Variants in DOCK4 observed in about 807,000 individuals in gnomAD.
The protein encoded by DOCK4 is dedicator of cytokinesis 4, also known as dedicator of cytokinesis protein 4.
Under a neutral mutation model 268.1 loss-of-function variants are expected in DOCK4, and 97 were observed. The ratio of observed to expected loss-of-function variants is 0.36; its 90% confidence interval spans 0.31 to 0.43. DOCK4 has a LOEUF of 0.43. Among genes scored for constraint, DOCK4 ranks in the 20% least tolerant of loss-of-function variants. The pLI, the probability that DOCK4 is intolerant of heterozygous loss-of-function variation, is 1.00. For synonymous variants in DOCK4, 954 were observed against 887.2 expected (o/e 1.08, Z -1.34); for missense variants, 2,145 against 2,455.7 (o/e 0.87, Z 2.67).
At chr7:111,816,005 C>T (rs926569970) in intron 27 of DOCK4, among the ~76,000 whole-genome samples, 2 of 152,078 alleles carry the variant, frequency 1.3e-5, no homozygotes, top group Non-Finnish European at 2.9e-5. Flanking sequence ...TCATAATCTA[C>T]AGGCACAGCA....
At chr7:112,052,829 T>G (rs1805481007) in intron 1 of DOCK4, among the ~76,000 whole-genome samples, 1 of 152,114 alleles carries the variant, frequency 6.6e-6, no homozygotes. Flanking sequence ...CTCTCAACAT[T>G]CTTATTTTAC....
chr7:111,918,868 A>C (rs1317830408), intron 12 of DOCK4, among the ~76,000 whole-genome samples: 5 of 152,222 alleles, frequency 3.3e-5, no homozygotes, highest in Non-Finnish European at 4.4e-5. Context: ...AAAATTCTTA[A>C]GATCCTGTAA....
chr7:111,911,758 G>C (rs1350077771), intron 13 of DOCK4, among the ~76,000 whole-genome samples: 2 of 151,944 alleles, frequency 1.3e-5, no homozygotes, highest in South Asian at 4.1e-4. Context: ...ACTGCCCAGA[G>C]ACCAAGCTGA....
intron 1 of DOCK4, among the ~76,000 whole-genome samples, chr7:112,066,676 CATATATACATATACATATATATATAT>C (rs1353893360): frequency 1.1e-3 from 55 of 52,092 alleles, no homozygotes; most frequent in Non-Finnish European, 1.5e-3. Context: ...TATACATATA[CATATATACATATACATATATATATAT>C]ATATATATAT....
chr7:111,829,765 C>A (rs543674319), intron 26 of DOCK4, among the ~76,000 whole-genome samples: 5 of 152,232 alleles, frequency 3.3e-5, no homozygotes, highest in African/African-American at 7.2e-5. Flanking sequence ...ATATAAAATG[C>A]TTGCTGTTTA....
intron 34 of DOCK4, among the ~76,000 whole-genome samples, chr7:111,783,386 T>C (rs1798922101): frequency 1.3e-5 from 2 of 151,648 alleles, no homozygotes; most frequent in Non-Finnish European, 2.9e-5. Flanking sequence ...TTAGATAATA[T>C]AAAAATAAAA....
rs139104985 is a variant in DOCK4 at position 112,163,532 on chromosome 7, G to C, written c.37+42570C>G. Among the ~76,000 whole-genome samples the C allele has an allele frequency of 7.4e-3, 1,122 of 152,164 alleles. 14 individuals are homozygous for C. Among genetic ancestry groups the C allele is most frequent in the African/African-American group, 0.025 (1,047 of 41,502 alleles). ...GTCAGCCAATGAATGGTTGTCTTTC[G>C]GTTGTGTGCACATTCCTGGCACAAG... is the stretch of plus-strand genomic sequence containing the variant. On this transcript the variant is annotated intron_variant, in intron 1 of 52. Transcript: ENST00000428084.
intron 37 of DOCK4, among the ~76,000 whole-genome samples, chr7:111,768,705 A>G (rs989136611): frequency 6.6e-6 from 1 of 152,220 alleles, no homozygotes; most frequent in Non-Finnish European, 1.5e-5. Flanking sequence ...GCATCTCTTA[A>G]GTATATGATG....
At chr7:112,091,931 T>A (rs1026925684) in intron 1 of DOCK4, among the ~76,000 whole-genome samples, 5 of 152,154 alleles carry the variant, frequency 3.3e-5, no homozygotes, top group African/African-American at 1.2e-4. Flanking sequence ...CTTCTCTTTA[T>A]CCCCATTTGA....
chr7:111,814,721 C>A (rs751091482), intron 27 of DOCK4, among the ~76,000 whole-genome samples: 1 of 152,088 alleles, frequency 6.6e-6, no homozygotes, highest in Non-Finnish European at 1.5e-5. Context: ...AATATTAGGA[C>A]GATTTGTATG....
intron 1 of DOCK4, among the ~76,000 whole-genome samples, chr7:112,049,607 TAAAAAAGCA>T (rs1805166619): frequency 6.6e-6 from 1 of 152,124 alleles, no homozygotes. Context: ...CATATTGGAT[TAAAAAAGCA>T]AGACTAAACT....
intron 29 of DOCK4, 133 bp from the exon 30 acceptor site, chr7:111,809,012 T>C (rs1362805249): frequency 3.1e-6 from 3 of 967,292 alleles, no homozygotes; most frequent in African/African-American, 1.6e-5. Context: ...TTAATATACA[T>C]GTCACGATGC....
chr7:112,024,692 C>T (rs1038523746), intron 1 of DOCK4, among the ~76,000 whole-genome samples: 1 of 152,204 alleles, frequency 6.6e-6, no homozygotes, highest in African/African-American at 2.4e-5. Context: ...TCAGTCAATT[C>T]TCCACTGACA....
intron 1 of DOCK4, among the ~76,000 whole-genome samples, chr7:112,204,315 AGAAAGCAACATCTGGGATC>A (rs1193026932): frequency 1.3e-5 from 2 of 152,192 alleles, no homozygotes; most frequent in Non-Finnish European, 1.5e-5. Flanking sequence ...AACACTTGGA[AGAAAGCAACATCTGGGATC>A]GACTCCAAGC....
At chr7:112,023,352 G>T in intron 1 of DOCK4, 1 of 217,894 alleles carries the variant, frequency 4.6e-6, no homozygotes, top group Non-Finnish European at 9.5e-6. Context: ...CTGAGTTAAT[G>T]CAGAGAGCTT....
intron 1 of DOCK4, among the ~76,000 whole-genome samples, chr7:112,188,726 T>C (rs1819669112): frequency 6.6e-6 from 1 of 152,232 alleles, no homozygotes; most frequent in African/African-American, 2.4e-5. Flanking sequence ...AGAATTTACA[T>C]GCAATACTCC....
chr7:111,882,250 A>T (rs990980130), intron 16 of DOCK4, among the ~76,000 whole-genome samples: 1 of 152,166 alleles, frequency 6.6e-6, no homozygotes, highest in Non-Finnish European at 1.5e-5. Flanking sequence ...TGTATAGTGT[A>T]TTATAATATC....
rs867475401 is a variant in DOCK4 at position 111,743,912 on chromosome 7, T to G, written c.4678-1780A>C. On this transcript the variant is annotated intron_variant, in intron 44 of 52. Transcript: ENST00000428084. ...ATAGCTCACTGCAACCTCGAACTCC[T>G]GGGCTAAGGTGATCCTCCCACCTCA... 3.3e-5 allele frequency among the ~76,000 whole-genome samples: 5 copies of G among 152,266 alleles called. No individual in the cohort carries two copies. The East Asian group carries it at 9.7e-4, about 29-fold the overall frequency.
chr7:112,125,544 A>G (rs1284666820), intron 1 of DOCK4, among the ~76,000 whole-genome samples: 9 of 152,216 alleles, frequency 5.9e-5, no homozygotes. Context: ...AGCAATCAAT[A>G]CTAAGGAATA....
Sources: allele counts gnomAD v4.1 joint callset (sites outside exome capture counted in the v4.1 genomes callset), GRCh38; gene constraint gnomAD v4.1.1; transcripts MANE v1.5; gene names NCBI Gene and HGNC (gene_info 2026-07-23, HGNC 2026-07-21).